The following NELL2 variants were observed in gnomAD, a reference collection of about 807,000 sequenced individuals.
The protein encoded by NELL2 is neural EGFL like 2.
Under a neutral mutation model 109.6 loss-of-function variants are expected in NELL2, and 41 were observed. The ratio of observed to expected loss-of-function variants is 0.37; its 90% CI spans 0.29 to 0.49. The LOEUF (loss-of-function observed/expected upper bound fraction) is 0.49. Among genes scored for constraint, NELL2 ranks in the 20% least tolerant of loss-of-function variants. NELL2 has a pLI of 0.98. For synonymous variants in NELL2, 355 were observed against 344.7 expected, an observed-to-expected ratio of 1.03 and a Z score of -0.33; for missense variants, 900 against 1,008.3, an observed-to-expected ratio of 0.89 and a Z score of 1.45.
intron 9 of NELL2, among the ~76,000 whole-genome samples, chr12:44,751,992 T>C (rs1045010512): frequency 6.6e-6 from 1 of 152,134 alleles, no homozygotes; most frequent in Non-Finnish European, 1.5e-5. Context: ...GTCATAATGT[T>C]TTAACAAAGT....
chr12:44,909,720 G>A lies in NELL2; in HGVS notation c.38+4079C>T, dbSNP rs188873925. On this transcript the variant is annotated intron_variant, in intron 1 of 20. Coordinates refer to the NELL2 transcript ENST00000333837. Reference sequence around the variant, plus strand: ...AGGCTACAGTACTCAAAACAGCATGGTTTTGGTGACACACAGACACAGACA... The same window carrying A: ...AGGCTACAGTACTCAAAACAGCATGATTTTGGTGACACACAGACACAGACA... 2.6e-3 allele frequency among the ~76,000 whole-genome samples: 387 copies of A among 149,052 alleles called. 1 individual carries two copies. Among genetic ancestry groups the A allele is most frequent in the African/African-American group, 8.7e-3 (350 of 40,080 alleles).
intron 1 of NELL2, among the ~76,000 whole-genome samples, chr12:44,900,288 C>A (rs1481530082): frequency 1.3e-5 from 2 of 152,174 alleles, no homozygotes; most frequent in Non-Finnish European, 2.9e-5. Context: ...GAACTGTCCA[C>A]TCCACATCAA....
At chr12:44,716,987 G>C (rs1420807102) in intron 9 of NELL2, among the ~76,000 whole-genome samples, 1 of 151,928 alleles carries the variant, frequency 6.6e-6, no homozygotes, top group African/African-American at 2.4e-5. Context: ...GGCAGGGAGG[G>C]AAAAAGCACA....
chr12:44,667,374 A>C (rs139130997), intron 12 of NELL2, among the ~76,000 whole-genome samples: 65 of 152,320 alleles, frequency 4.3e-4, no homozygotes, highest in African/African-American at 1.5e-3. Flanking sequence ...GGTCAGGAAA[A>C]TAAAAACTCT....
chr12:44,579,246 A>T (rs563325875), intron 15 of NELL2, among the ~76,000 whole-genome samples: 3 of 152,182 alleles, frequency 2.0e-5, no homozygotes, highest in Non-Finnish European at 4.4e-5. Context: ...TTTTGTAAAA[A>T]ATCAGAGTTT....
intron 15 of NELL2, among the ~76,000 whole-genome samples, chr12:44,597,378 T>G (rs777090907): frequency 6.6e-6 from 1 of 152,242 alleles, no homozygotes; most frequent in Non-Finnish European, 1.5e-5. Context: ...CATTTGCTGA[T>G]AGCCTCTTAA....
chr12:44,875,524 GCT>G, intron 1 of NELL2, 171 bp from the exon 2 acceptor site: 1 of 1,613,924 alleles, frequency 6.2e-7, no homozygotes, highest in African/African-American at 1.3e-5. Context: ...CAGCAGCCAA[GCT>G]TTAAATAGCG....
intron 9 of NELL2, among the ~76,000 whole-genome samples, chr12:44,756,351 T>C (rs1006203078): frequency 6.6e-6 from 1 of 152,088 alleles, no homozygotes; most frequent in African/African-American, 2.4e-5. Context: ...CAAATGCTAG[T>C]GAATACGTGC....
At chr12:44,521,855 C>A in intron 18 of NELL2, 145 bp downstream of exon 18, 1 of 720,572 alleles carries the variant, frequency 1.4e-6, no homozygotes, top group East Asian at 2.7e-5. Context: ...GTAACTATCA[C>A]CTCATCATCC....
At chr12:44,792,596 T>A (rs940468176) in intron 3 of NELL2, among the ~76,000 whole-genome samples, 5 of 152,072 alleles carry the variant, frequency 3.3e-5, no homozygotes, top group African/African-American at 1.2e-4. Flanking sequence ...GCATAATACA[T>A]CAGAGGTTAA....
chr12:44,875,008 C>A (rs1290790658), intron 2 of NELL2: 2 of 539,408 alleles, frequency 3.7e-6, no homozygotes, highest in Non-Finnish European at 6.4e-6. Flanking sequence ...TCCATTAGAA[C>A]TGGCAAGAGT....
intron 1 of NELL2, among the ~76,000 whole-genome samples, chr12:44,894,146 T>TA (rs1387262436): frequency 2.0e-5 from 3 of 152,108 alleles, no homozygotes; most frequent in Non-Finnish European, 2.9e-5. Flanking sequence ...TCCATAATCA[T>TA]AAAAAACAAA....
chr12:44,671,013 A>C (rs904438357), intron 12 of NELL2, among the ~76,000 whole-genome samples: 3 of 152,218 alleles, frequency 2.0e-5, no homozygotes, highest in Non-Finnish European at 4.4e-5. Flanking sequence ...CGATACATGG[A>C]AAGTTCTCCA....
At chr12:44,697,560 G>A (rs1949103713) in intron 12 of NELL2, among the ~76,000 whole-genome samples, 1 of 152,174 alleles carries the variant, frequency 6.6e-6, no homozygotes, top group Non-Finnish European at 1.5e-5. Context: ...TAAATGAAAT[G>A]ACGTTATTTG....
chr12:44,848,439 G>A (rs1944437711), intron 2 of NELL2, among the ~76,000 whole-genome samples: 1 of 152,126 alleles, frequency 6.6e-6, no homozygotes, highest in Non-Finnish European at 1.5e-5. Flanking sequence ...AGCAACCATA[G>A]ACTTGAGCTA....
At chr12:44,610,698 G>T in intron 14 of NELL2, 150 bp downstream of exon 14, 1 of 1,037,350 alleles carries the variant, frequency 9.6e-7, no homozygotes, top group Non-Finnish European at 1.4e-6. Context: ...GTCAAGACCT[G>T]AGGGAAAGAC....
Position 44,820,942 on chromosome 12 carries a change from G to C in NELL2, c.185-4806C>G, listed in dbSNP as rs541572502. ...GTTACCTAAAGTCATAGGCGTGCCT[G>C]AGTAAATCACAGGAGTCACAGGAAT... On this transcript the variant is annotated intron_variant, in intron 2 of 19. Coordinates refer to ENST00000429094, the MANE Select transcript of NELL2 (RefSeq NM_001145108.2). 9.2e-5 allele frequency among the ~76,000 whole-genome samples: 14 copies of C among 152,152 alleles called. No individual in the cohort carries two copies. In the East Asian group the frequency reaches 2.7e-3, roughly 29 times the overall value.
At chr12:44,602,433 T>G (rs1463534226) in intron 15 of NELL2, among the ~76,000 whole-genome samples, 1 of 152,202 alleles carries the variant, frequency 6.6e-6, no homozygotes, top group Non-Finnish European at 1.5e-5. Flanking sequence ...CCAAATTGTC[T>G]TTATTACAGT....
At chr12:44,599,960 G>GTTTT (rs35401385) in intron 15 of NELL2, among the ~76,000 whole-genome samples, 9 of 111,264 alleles carry the variant, frequency 8.1e-5, no homozygotes, top group South Asian at 3.2e-4. Context: ...CTAGAATTCC[G>GTTTT]TTTTTTTTTT....
Sources: allele counts gnomAD v4.1 joint callset (sites outside exome capture counted in the v4.1 genomes callset), GRCh38; gene constraint gnomAD v4.1.1; transcripts MANE v1.5; gene names NCBI Gene and HGNC (gene_info 2026-07-23, HGNC 2026-07-21).